The following TMEM234 variants were observed in gnomAD, a reference collection of about 807,000 sequenced individuals.
The protein encoded by TMEM234 is chromosome 1 open reading frame 91.
A neutral mutation model predicts 17.8 loss-of-function variants in TMEM234; 21 were observed. That is an observed-to-expected ratio of 1.18 (90% confidence interval 0.84 to 1.70). TMEM234 has a LOEUF of 1.70. TMEM234 is among the 40% of genes most tolerant of loss of function. The pLI, the probability that TMEM234 is intolerant of heterozygous loss-of-function variation, is 0.00. For synonymous variants in TMEM234, 83 were observed against 73.5 expected, an observed-to-expected ratio of 1.13 and a Z score of -0.66; for missense variants, 137 against 166.9, an observed-to-expected ratio of 0.82 and a Z score of 0.99.
chr1:32,222,225 G>C, intron 1 of TMEM234, 82 bp downstream of exon 1: 5 of 1,522,282 alleles, frequency 3.3e-6, no homozygotes, highest in South Asian at 1.3e-5. Flanking sequence ...CAGGGGTCGG[G>C]GTTAGAGGGT....
At chr1:32,214,781 A>G (rs1569775686), downstream of TMEM234, 1 of 1,613,860 alleles carries the variant, frequency 6.2e-7, no homozygotes, top group African/African-American at 1.3e-5. Flanking sequence ...GTCCAAGCCC[A>G]GTGTCCCTTC....
chr1:32,216,848 C>G lies in TMEM234; in HGVS notation c.*5G>C. The G allele has an allele frequency of 6.2e-7, 1 of 1,614,042 alleles. No homozygotes were observed. Among genetic ancestry groups the G allele is most frequent in the Non-Finnish European group, 8.5e-7 (1 of 1,179,994 alleles). On this transcript the variant is annotated 3_prime_UTR_variant, in exon 5 of 5. Transcript: ENST00000309777. ...GCAGCAGAGCTGGAAGTGGGTTCGG[C>G]CCACTCAAAGGGTAGACTGTTGCCC...
Position 32,216,537 on chromosome 1 carries a change from G to C in TMEM234, c.*316C>G, listed in dbSNP as rs1005260110. On this transcript the variant is annotated 3_prime_UTR_variant, in exon 5 of 5. Transcript: ENST00000309777. ...TGGAACCTGCCACCATGATAGTCCA[G>C]ATCAGGCCACAGTAATGGTGGCTGG... 6.4e-7 allele frequency: 1 copy of C among 1,551,516 alleles called. No homozygotes were observed. Among genetic ancestry groups the C allele is most frequent in the Non-Finnish European group, 8.7e-7 (1 of 1,146,832 alleles).
chr1:32,221,784 G>A, intron 2 of TMEM234, 83 bp downstream of exon 2: 1 of 1,567,726 alleles, frequency 6.4e-7, no homozygotes, highest in Non-Finnish European at 8.7e-7. Context: ...TAAGTGGTGG[G>A]GCTGACCCAG....
At chr1:32,222,084 G>GGA in intron 1 of TMEM234, 66 bp from the exon 2 acceptor site, 1 of 1,524,260 alleles carries the variant, frequency 6.6e-7, no homozygotes, top group Admixed American at 2.1e-5. Context: ...GCCCTCTCCT[G>GGA]GCCTTCTAGC....
intron 4 of TMEM234, 43 bp from the exon 5 acceptor site, chr1:32,216,990 T>A: frequency 6.2e-7 from 1 of 1,613,486 alleles, no homozygotes; most frequent in East Asian, 2.2e-5. Flanking sequence ...AGCTCAGCCA[T>A]GCCAGTAGGA....
chr1:32,215,986 C>T, downstream of TMEM234: 1 of 1,125,716 alleles, frequency 8.9e-7, no homozygotes, highest in East Asian at 2.6e-5. Context: ...CAGGAGCCAG[C>T]ACCTCCGCTG....
intron 4 of TMEM234, 47 bp from the exon 5 acceptor site, chr1:32,216,994 A>G: frequency 1.2e-6 from 2 of 1,613,208 alleles, no homozygotes; most frequent in Non-Finnish European, 1.7e-6. Context: ...CAGCCATGCC[A>G]GTAGGAGCTG....
chr1:32,221,370 T>C (rs1395795709), intron 2 of TMEM234, among the ~76,000 whole-genome samples, 173 bp from the exon 3 acceptor site: 1 of 152,056 alleles, frequency 6.6e-6, no homozygotes, highest in African/African-American at 2.4e-5. Context: ...CAGACTGAAG[T>C]CTGTGCCTTT....
chr1:32,214,605 C>T (rs1270154162), downstream of TMEM234: 36 of 710,656 alleles, frequency 5.1e-5, no homozygotes, highest in Admixed American at 9.7e-4. Flanking sequence ...CAGGCATCTA[C>T]TGCTCTGTCC....
chr1:32,216,393 T>C lies in TMEM234; in HGVS notation c.*460A>G. On this transcript the variant is annotated 3_prime_UTR_variant, in exon 5 of 5. Transcript: ENST00000309777. ...TGCCACTCCGACGCACCTTCTTCCC[T>C]CGGTTCCACCCCTCATTCAGCCAAA... The C allele has an allele frequency of 6.4e-7, 1 of 1,551,396 alleles. No homozygotes were observed. The highest frequency in any genetic ancestry group is 8.7e-7 in the Non-Finnish European group (1 of 1,146,806).
intron 2 of TMEM234, 70 bp downstream of exon 2, chr1:32,221,797 C>T: frequency 6.3e-7 from 1 of 1,595,026 alleles, no homozygotes; most frequent in Non-Finnish European, 8.5e-7. Context: ...TGACCCAGAC[C>T]TGTTTGACTC....
Position 32,222,111 on chromosome 1 carries a change from C to T in TMEM234, c.17-93G>A, listed in dbSNP as rs1638977234. 4 of 1,504,796 alleles carry T rather than the reference C, an allele frequency of 2.7e-6. No individual in the cohort carries two copies. In the South Asian group the frequency reaches 3.9e-5, roughly 15 times the overall value. The allele number at this position is 1,504,796 out of a possible 1,614,324, so 93.2% of individuals were successfully genotyped here. On this transcript the variant is annotated intron_variant, in intron 1 of 4. Coordinates refer to ENST00000309777, the MANE Select transcript of TMEM234 (RefSeq NM_019118.5). Reference sequence around the variant, plus strand: ...CCTTCTAGCCCCAGCTAGCCGCCCCCACTTCCCTCCTTCGCTCTCTTCGCC... The same window carrying T: ...CCTTCTAGCCCCAGCTAGCCGCCCCTACTTCCCTCCTTCGCTCTCTTCGCC...
chr1:32,221,983 A>C lies in TMEM234; in HGVS notation c.52T>G (p.Trp18Gly), dbSNP rs763598552. The C allele has an allele frequency of 1.9e-6, 3 of 1,612,458 alleles. No individual in the cohort carries two copies. In the Admixed American group the frequency reaches 5.0e-5, roughly 27 times the overall value. ...VLALVLVAALWGGTQPLLKRA... is the reference protein window; with the variant it reads ...VLALVLVAALGGGTQPLLKRA... ...TTCAGCAGCGGCTGCGTGCCACCCC[A>C]CAGAGCGGCCACCAGCACCAGAGCC... is the stretch of plus-strand genomic sequence containing the variant. Residue 18 changes from tryptophan (W) to glycine (G), a missense_variant, in exon 2 of 5, where the codon TGG becomes GGG. Transcript: ENST00000309777.
intron 3 of TMEM234, chr1:32,217,644 G>A (rs1289293393): frequency 3.4e-6 from 2 of 592,338 alleles, no homozygotes; most frequent in African/African-American, 3.7e-5. Context: ...AGGACATCTG[G>A]ACGGACAGGC....
At position 32,216,791 on chromosome 1, in the gene TMEM234, C is replaced by T. The variant is rs1188045523; in HGVS notation, c.*62G>A. On this transcript the variant is annotated 3_prime_UTR_variant, in exon 5 of 5. Transcript: ENST00000309777. ...AAGTGCTAGGTCCATCCGCTCACTG[C>T]CAGCACTTCATGGCCCAGGGGCTTC... 4.4e-6 allele frequency: 7 copies of T among 1,596,494 alleles called. No homozygotes were observed. The East Asian group carries it at 1.6e-4, about 36-fold the overall frequency.
At chr1:32,219,952 G>A (rs1305197660) in intron 3 of TMEM234, among the ~76,000 whole-genome samples, 2 of 152,182 alleles carry the variant, frequency 1.3e-5, no homozygotes, top group African/African-American at 4.8e-5. Context: ...GGCTGAAGTG[G>A]ATGCTTCATA....
Position 32,216,509 on chromosome 1 carries a change from C to A in TMEM234, c.*344G>T, listed in dbSNP as rs370360475. On this transcript the variant is annotated 3_prime_UTR_variant, in exon 5 of 5. Transcript: ENST00000309777. ...TTCCATGCAGCTGGAGTTCTGCAGT[C>A]CATGGAACCTGCCACCATGATAGTC... is the stretch of plus-strand genomic sequence containing the variant. 1.3e-6 allele frequency: 2 copies of A among 1,551,710 alleles called. No homozygotes were observed. The highest frequency in any genetic ancestry group is 2.4e-5 in the South Asian group (2 of 84,054).
chr1:32,214,723 GA>G, downstream of TMEM234: 1 of 1,588,336 alleles, frequency 6.3e-7, no homozygotes, highest in African/African-American at 1.3e-5. Context: ...GGGGCTCTCT[GA>G]AGCCTGAACT....
Sources: gnomAD v4.1 joint callset for allele counts (sites outside exome capture counted in the v4.1 genomes callset) on GRCh38, gnomAD v4.1.1 for gene constraint, MANE v1.5 for transcripts, NCBI Gene and HGNC (gene_info 2026-07-23, HGNC 2026-07-21) for gene names.